TAFA1: variants seen among roughly 807,000 people sequenced by gnomAD.
The protein encoded by TAFA1 is TAFA chemokine like family member 1.
A neutral mutation model predicts 18.5 loss-of-function variants in TAFA1; 4 were observed. That is an observed-to-expected ratio of 0.22 (90% CI 0.11 to 0.49). The LOEUF is 0.49. Ranked by LOEUF, TAFA1 falls within the 20% of genes least tolerant of loss-of-function variation. The pLI is 0.98. For missense variants in TAFA1, 147 were observed against 169.0 expected, an observed-to-expected ratio of 0.87 and a Z score of 0.72; for synonymous variants, 56 against 55.2, an observed-to-expected ratio of 1.01 and a Z score of -0.06.
chr3:68,205,342 G>T lies in TAFA1; in HGVS notation c.118+198598G>T, dbSNP rs939516534. 2.0e-5 allele frequency among the ~76,000 whole-genome samples: 3 copies of T among 151,832 alleles called. No individual in the cohort carries two copies. The East Asian group carries it at 5.9e-4, about 30-fold the overall frequency. The stretch of plus-strand genomic sequence containing the variant: ...TGTCTCTTTTGCAGCCAGTATACAC[G>T]GTGATATTCTAGATCTTGTCCTCAC... On this transcript the variant is annotated intron_variant, in intron 2 of 4. Coordinates refer to ENST00000478136, the MANE Select transcript of TAFA1 (RefSeq NM_213609.4).
intron 3 of TAFA1, among the ~76,000 whole-genome samples, chr3:68,468,734 T>G (rs114112096): frequency 6.6e-6 from 1 of 152,120 alleles, no homozygotes; most frequent in African/African-American, 2.4e-5. Context: ...TAGTTGAGAG[T>G]TGGAAATATT....
chr3:68,042,301 C>T (rs1168871009), intron 2 of TAFA1, among the ~76,000 whole-genome samples: 1 of 152,200 alleles, frequency 6.6e-6, no homozygotes, highest in African/African-American at 2.4e-5. Context: ...TGATTACATC[C>T]TTGTGCATTA....
chr3:68,351,628 G>C (rs1388090461), intron 2 of TAFA1, among the ~76,000 whole-genome samples: 1 of 152,002 alleles, frequency 6.6e-6, no homozygotes, highest in Admixed American at 6.6e-5. Flanking sequence ...TACATTTTTA[G>C]AGAGTTGACA....
intron 2 of TAFA1, among the ~76,000 whole-genome samples, chr3:68,316,948 AT>A (rs1317119078): frequency 6.6e-6 from 1 of 152,110 alleles, no homozygotes; most frequent in Non-Finnish European, 1.5e-5. Flanking sequence ...TTCTGACTCT[AT>A]TTTTTTCAAT....
intron 3 of TAFA1, among the ~76,000 whole-genome samples, chr3:68,430,453 C>T (rs1202142724): frequency 2.0e-5 from 3 of 151,974 alleles, no homozygotes; most frequent in African/African-American, 7.2e-5. Flanking sequence ...CTGTGTGTCT[C>T]TATTACGTAA....
At chr3:68,235,607 C>G (rs2066919390) in intron 2 of TAFA1, among the ~76,000 whole-genome samples, 1 of 151,820 alleles carries the variant, frequency 6.6e-6, no homozygotes, top group Admixed American at 6.6e-5. Context: ...TCATTTTTTT[C>G]TCTGGAGGAG....
chr3:68,222,679 AT>A (rs1300645306), intron 2 of TAFA1, among the ~76,000 whole-genome samples: 1 of 151,596 alleles, frequency 6.6e-6, no homozygotes, highest in African/African-American at 2.4e-5. Flanking sequence ...TTTTATTTTT[AT>A]TATTTTTATT....
chr3:68,529,872 G>A (rs2073166547), intron 3 of TAFA1, among the ~76,000 whole-genome samples: 1 of 152,174 alleles, frequency 6.6e-6, no homozygotes, highest in Admixed American at 6.5e-5. Flanking sequence ...TAACATTGGA[G>A]ATCAAATTTC....
chr3:68,490,800 C>G (rs1452810841), intron 3 of TAFA1, among the ~76,000 whole-genome samples: 1 of 151,602 alleles, frequency 6.6e-6, no homozygotes, highest in Non-Finnish European at 1.5e-5. Flanking sequence ...AATAGATGAA[C>G]AAAGTTATTT....
chr3:68,095,155 A>T (rs1358162384), intron 2 of TAFA1, among the ~76,000 whole-genome samples: 1 of 152,050 alleles, frequency 6.6e-6, no homozygotes, highest in African/African-American at 2.4e-5. Flanking sequence ...AGCTCCCTGG[A>T]CACTCCTGTT....
At chr3:68,210,872 G>A (rs1392160114) in intron 2 of TAFA1, among the ~76,000 whole-genome samples, 1 of 151,978 alleles carries the variant, frequency 6.6e-6, no homozygotes, top group East Asian at 1.9e-4. Flanking sequence ...TCCAGCTGTG[G>A]TCATTGTCTC....
At chr3:68,488,669 G>C (rs1305748012) in intron 3 of TAFA1, among the ~76,000 whole-genome samples, 1 of 152,072 alleles carries the variant, frequency 6.6e-6, no homozygotes, top group Non-Finnish European at 1.5e-5. Context: ...TGCACCACAG[G>C]GTTTTGTAAA....
At chr3:68,156,071 C>T (rs1182177029) in intron 2 of TAFA1, among the ~76,000 whole-genome samples, 1 of 152,142 alleles carries the variant, frequency 6.6e-6, no homozygotes, top group African/African-American at 2.4e-5. Context: ...GGTACCGTTT[C>T]TGACATCTGA....
chr3:68,192,145 C>T (rs148574491), intron 2 of TAFA1, among the ~76,000 whole-genome samples: 5 of 151,942 alleles, frequency 3.3e-5, no homozygotes, highest in Non-Finnish European at 7.4e-5. Context: ...TACTGAGTAA[C>T]TACTAGGTAC....
At chr3:68,289,726 G>A (rs937415125) in intron 2 of TAFA1, among the ~76,000 whole-genome samples, 3 of 152,174 alleles carry the variant, frequency 2.0e-5, no homozygotes, top group Non-Finnish European at 2.9e-5. Context: ...CAGATGAATA[G>A]AATGAGGAAT....
intron 2 of TAFA1, among the ~76,000 whole-genome samples, chr3:68,046,031 A>G (rs1387667819): frequency 6.6e-6 from 1 of 152,118 alleles, no homozygotes; most frequent in Non-Finnish European, 1.5e-5. Context: ...TTCCCCTAAT[A>G]GGTTTACAGC....
At chr3:68,062,604 C>G (rs1460177249) in intron 2 of TAFA1, among the ~76,000 whole-genome samples, 1 of 152,088 alleles carries the variant, frequency 6.6e-6, no homozygotes, top group Admixed American at 6.6e-5. Flanking sequence ...ATATGCATGA[C>G]CCTAGGGTTT....
intron 3 of TAFA1, among the ~76,000 whole-genome samples, chr3:68,456,365 T>C (rs1046609928): frequency 3.9e-5 from 6 of 152,148 alleles, no homozygotes; most frequent in Admixed American, 6.6e-5. Context: ...TGGCATTTTT[T>C]CCCCTGGAAT....
chr3:68,207,748 A>T (rs543526880), intron 2 of TAFA1, among the ~76,000 whole-genome samples: 15 of 152,122 alleles, frequency 9.9e-5, no homozygotes, highest in African/African-American at 2.4e-4. Context: ...ACTAATGTTT[A>T]TTAATCCCTT....
Sources: allele counts gnomAD v4.1 joint callset (sites outside exome capture counted in the v4.1 genomes callset), GRCh38; gene constraint gnomAD v4.1.1; transcripts MANE v1.5; gene names NCBI Gene and HGNC (gene_info 2026-07-23, HGNC 2026-07-21).